Variants in LRRC1 observed in about 807,000 individuals in gnomAD.
LRRC1 encodes leucine-rich repeat-containing protein 1.
In LRRC1, 28 loss-of-function variants were observed where a neutral mutation model predicts 69.9. The ratio of observed to expected loss-of-function variants is 0.40; its 90% CI spans 0.30 to 0.55. The LOEUF (loss-of-function observed/expected upper bound fraction) is 0.55, where lower values mean the gene tolerates loss of function less well. LRRC1 is among the 20% of genes least tolerant of loss of function. The pLI, the probability that LRRC1 is intolerant of heterozygous loss-of-function variation, is 0.47. For synonymous variants in LRRC1, 236 were observed against 240.2 expected, an observed-to-expected ratio of 0.98 and a Z score of 0.16; for missense variants, 498 against 609.0, an observed-to-expected ratio of 0.82 and a Z score of 1.92.
chr6:53,920,695 T>A lies in LRRC1; in HGVS notation c.1350T>A (p.Arg450=), dbSNP rs1224458888. The change falls in exon 13 of 14, where the codon CGT becomes CGA. Residue 450 remains arginine (R), a synonymous_variant. Coordinates refer to ENST00000370888, the MANE Select transcript of LRRC1 (RefSeq NM_018214.5). The part of the protein sequence containing the change: ...NDVSDEAWNE[R]AVNRVSAIRF... Reference sequence around the variant, plus strand: ...TCTCTGATGAAGCCTGGAACGAGCGTGCTGTCAACAGAGTCAGTGCGATCC... The same window carrying A: ...TCTCTGATGAAGCCTGGAACGAGCGAGCTGTCAACAGAGTCAGTGCGATCC... The A allele has an allele frequency of 3.7e-6, 6 of 1,614,108 alleles. No homozygotes were observed. The South Asian group carries it at 6.6e-5, about 18-fold the overall frequency.
chr6:53,915,324 A>G (rs1562073963), intron 11 of LRRC1, among the ~76,000 whole-genome samples: 1 of 152,202 alleles, frequency 6.6e-6, no homozygotes, highest in Non-Finnish European at 1.5e-5. Flanking sequence ...GAGGTGAGTT[A>G]TAGCCTCAGG....
Position 53,882,929 on chromosome 6 carries a change from T to C in LRRC1, c.399T>C (p.Leu133=). The C allele has an allele frequency of 6.2e-7, 1 of 1,609,354 alleles. No homozygotes were observed. The highest frequency in any genetic ancestry group is 8.5e-7 in the Non-Finnish European group (1 of 1,178,816). ...CTGAATTACAGAATTTAACATGTCT[T>C]TCTGTAAATGACATCTCACTACAGT... is the stretch of plus-strand genomic sequence containing the variant. ...SFPELQNLTC[L]SVNDISLQSL... Residue 133 remains leucine, a synonymous_variant, in exon 4 of 14, where the codon CTT becomes CTC. Coordinates refer to ENST00000370888, the MANE Select transcript of LRRC1 (RefSeq NM_018214.5).
intron 1 of LRRC1, among the ~76,000 whole-genome samples, chr6:53,832,667 CATTT>C (rs1765464011): frequency 6.6e-6 from 1 of 152,082 alleles, no homozygotes; most frequent in Admixed American, 6.5e-5. Context: ...CTTGATGATA[CATTT>C]GGTTAAAATG....
chr6:53,910,283 A>T (rs1768367738), intron 10 of LRRC1, among the ~76,000 whole-genome samples: 1 of 152,182 alleles, frequency 6.6e-6, no homozygotes, highest in Non-Finnish European at 1.5e-5. Context: ...CTTCCTACAT[A>T]ACTGGTAATA....
intron 4 of LRRC1, among the ~76,000 whole-genome samples, chr6:53,894,390 T>A (rs191769037): frequency 1.3e-5 from 2 of 152,340 alleles, no homozygotes; most frequent in Admixed American, 1.3e-4. Context: ...AGAGCATGGC[T>A]GTGGAAACTT....
intron 1 of LRRC1, among the ~76,000 whole-genome samples, chr6:53,839,257 T>TAC (rs1401589395): frequency 6.6e-6 from 1 of 152,126 alleles, no homozygotes; most frequent in Non-Finnish European, 1.5e-5. Flanking sequence ...TTTTTTCTTT[T>TAC]ACGTATTGCT....
intron 1 of LRRC1, among the ~76,000 whole-genome samples, chr6:53,833,227 T>G (rs1765480965): frequency 6.6e-6 from 1 of 152,218 alleles, no homozygotes; most frequent in South Asian, 2.1e-4. Flanking sequence ...AGTAAAAGCT[T>G]CTTTTCTCCA....
chr6:53,895,300 A>G (rs2127435261), intron 4 of LRRC1, among the ~76,000 whole-genome samples: 1 of 152,302 alleles, frequency 6.6e-6, no homozygotes, highest in African/African-American at 2.4e-5. Context: ...AAAATTGGAG[A>G]AGGAGATGCA....
At chr6:53,836,448 A>T (rs909577189) in intron 1 of LRRC1, among the ~76,000 whole-genome samples, 1 of 152,200 alleles carries the variant, frequency 6.6e-6, no homozygotes, top group African/African-American at 2.4e-5. Context: ...AGTGTCCCTC[A>T]GTAGAGGTTA....
chr6:53,893,014 A>G (rs1228541873), intron 4 of LRRC1, among the ~76,000 whole-genome samples: 1 of 152,200 alleles, frequency 6.6e-6, no homozygotes, highest in Non-Finnish European at 1.5e-5. Flanking sequence ...AAATTGGCCA[A>G]TGCCAGATGT....
intron 1 of LRRC1, among the ~76,000 whole-genome samples, chr6:53,797,194 T>C (rs1764327161): frequency 6.6e-6 from 1 of 152,080 alleles, no homozygotes; most frequent in African/African-American, 2.4e-5. Context: ...GTCAGGTCTT[T>C]CTGTGATCCT....
rs534838284 is a variant in LRRC1, at chr6:53,902,555, G to C, written c.788-74G>C. 4 of 900,690 alleles carry C rather than the reference G, an allele frequency of 4.4e-6. No homozygotes were observed. In the East Asian group the frequency reaches 1.0e-4, roughly 23 times the overall value. 55.8% of individuals were successfully genotyped at this position (900,690 alleles called of 1,614,324 possible). A position where few individuals can be genotyped will look rare whatever the true frequency, so the allele number is the denominator to read the frequency against. On this transcript the variant is annotated intron_variant, in intron 8 of 13. Coordinates refer to ENST00000370888, the MANE Select transcript of LRRC1 (RefSeq NM_018214.5). ...TTAAAACAAAAAGAACAGCAGATAG[G>C]AAATTCCAAGCAGTGATTATGAAAA... is the stretch of plus-strand genomic sequence containing the variant.
At chr6:53,849,445 T>G (rs765743664) in intron 2 of LRRC1, among the ~76,000 whole-genome samples, 14 of 152,248 alleles carry the variant, frequency 9.2e-5, no homozygotes, top group Non-Finnish European at 1.5e-4. Flanking sequence ...GTTGATGGTT[T>G]CCAGCCACAG....
At chr6:53,852,830 C>T (rs1329481744) in intron 2 of LRRC1, among the ~76,000 whole-genome samples, 2 of 152,184 alleles carry the variant, frequency 1.3e-5, no homozygotes, top group Non-Finnish European at 1.5e-5. Flanking sequence ...GTTCAACCAC[C>T]TGTAGAAATG....
intron 1 of LRRC1, among the ~76,000 whole-genome samples, chr6:53,812,534 C>T (rs928015997): frequency 2.0e-5 from 3 of 151,274 alleles, no homozygotes; most frequent in Admixed American, 6.6e-5. Context: ...ACTAAAAATA[C>T]AAAAAATCAG....
intron 11 of LRRC1, among the ~76,000 whole-genome samples, chr6:53,917,132 T>C (rs1264150509): frequency 6.6e-6 from 1 of 152,234 alleles, no homozygotes; most frequent in Non-Finnish European, 1.5e-5. Flanking sequence ...CATCATTTTC[T>C]GACTTGTAGC....
At chr6:53,870,156 G>A (rs1039378085) in intron 2 of LRRC1, among the ~76,000 whole-genome samples, 3 of 152,108 alleles carry the variant, frequency 2.0e-5, no homozygotes, top group Non-Finnish European at 2.9e-5. Flanking sequence ...GTCCAGCTGT[G>A]TTCTCTGGCA....
At chr6:53,818,382 A>G (rs552235310) in intron 1 of LRRC1, among the ~76,000 whole-genome samples, 7 of 152,164 alleles carry the variant, frequency 4.6e-5, no homozygotes, top group African/African-American at 1.7e-4. Flanking sequence ...TCAATAGTGC[A>G]TTTTTTTGTG....
intron 1 of LRRC1, among the ~76,000 whole-genome samples, chr6:53,835,911 A>G (rs1200442557): frequency 6.6e-6 from 1 of 152,142 alleles, no homozygotes; most frequent in Non-Finnish European, 1.5e-5. Flanking sequence ...CCATCTATAA[A>G]TGAAGATGAT....
Sources: gnomAD v4.1 joint callset for allele counts (sites outside exome capture counted in the v4.1 genomes callset) on GRCh38, gnomAD v4.1.1 for gene constraint, MANE v1.5 for transcripts, NCBI Gene and HGNC (gene_info 2026-07-23, HGNC 2026-07-21) for gene names.